PCDH15: variants seen among roughly 807,000 people sequenced by gnomAD.
PCDH15 encodes protocadherin related 15, also known as protocadherin-15.
PCDH15 carries 129 observed loss-of-function variants against 178.5 expected under a neutral mutation model. The ratio of observed to expected loss-of-function variants is 0.72; its 90% confidence interval spans 0.63 to 0.84. The LOEUF is 0.84. Ranked by LOEUF, PCDH15 falls within the 40% of genes least tolerant of loss-of-function variation. The pLI is 0.00. For missense variants in PCDH15, 2,230 were observed against 2,099.9 expected (o/e 1.06, Z -1.21); for synonymous variants, 800 against 732.0 (o/e 1.09, Z -1.50).
chr10:54,868,124 G>C (rs1953970847), intron 3 of PCDH15, among the ~76,000 whole-genome samples: 2 of 151,994 alleles, frequency 1.3e-5, no homozygotes, highest in Non-Finnish European at 2.9e-5. Flanking sequence ...AAAGCTGAGG[G>C]GGAAACGGTT....
intron 1 of PCDH15, among the ~76,000 whole-genome samples, chr10:55,231,806 A>G (rs1465451219): frequency 6.6e-6 from 1 of 152,056 alleles, no homozygotes; most frequent in African/African-American, 2.4e-5. Flanking sequence ...AAATAAATAA[A>G]TCTTAAATTA....
intron 2 of PCDH15, among the ~76,000 whole-genome samples, chr10:54,938,915 A>G (rs1034800314): frequency 6.6e-6 from 1 of 152,192 alleles, no homozygotes; most frequent in African/African-American, 2.4e-5. Flanking sequence ...GATTGTGGCT[A>G]GCATCTAGAT....
In PCDH15 at chr10:54,632,781, C is replaced by T. The variant is rs185659983; in HGVS notation, c.91+31391G>A. Among the ~76,000 whole-genome samples, 239 of 152,126 alleles carry T rather than the reference C, an allele frequency of 1.6e-3. 1 individual carries two copies. The highest frequency in any genetic ancestry group is 5.4e-3 in the African/African-American group (224 of 41,506). ...ACACACAGATCTATTAATCACTCATCTAAAATTCTCAAACGCTAAGATATT... is the reference window on the plus strand; with the variant it reads ...ACACACAGATCTATTAATCACTCATTTAAAATTCTCAAACGCTAAGATATT... On this transcript the variant is annotated intron_variant, in intron 2 of 37. Transcript: ENST00000644397.
chr10:55,297,249 T>A (rs923651130), intron 1 of PCDH15, among the ~76,000 whole-genome samples: 4 of 152,028 alleles, frequency 2.6e-5, no homozygotes, highest in Non-Finnish European at 4.4e-5. Flanking sequence ...TGATTGCAAA[T>A]TTATATAGGG....
chr10:55,075,819 T>C (rs1841873929), intron 2 of PCDH15, among the ~76,000 whole-genome samples: 1 of 152,138 alleles, frequency 6.6e-6, no homozygotes, highest in South Asian at 2.1e-4. Flanking sequence ...TTTCTTGAGT[T>C]GCATGATTAG....
chr10:53,876,636 A>C (rs1391122163), intron 26 of PCDH15, among the ~76,000 whole-genome samples: 2 of 148,200 alleles, frequency 1.3e-5, no homozygotes, highest in Non-Finnish European at 3.0e-5. Flanking sequence ...AAAAAAAAAA[A>C]GAAGAAACAA....
chr10:55,539,173 C>G (rs1460182357), intron 2 of PCDH15, among the ~76,000 whole-genome samples: 2 of 151,834 alleles, frequency 1.3e-5, no homozygotes, highest in Admixed American at 6.6e-5. Flanking sequence ...CCCTCAAACA[C>G]TAACTCATAA....
intron 1 of PCDH15, among the ~76,000 whole-genome samples, chr10:54,712,208 T>C (rs1485540691): frequency 6.6e-6 from 1 of 151,758 alleles, no homozygotes; most frequent in Non-Finnish European, 1.5e-5. Context: ...ACAAAGAAAA[T>C]CTATTGTCAG....
intron 3 of PCDH15, among the ~76,000 whole-genome samples, chr10:54,403,535 G>A (rs185302715): frequency 6.6e-6 from 1 of 151,868 alleles, no homozygotes; most frequent in African/African-American, 2.4e-5. Context: ...ACCGGCACAG[G>A]ACAAAGATAC....
chr10:54,879,793 C>A (rs1484557131), intron 3 of PCDH15, among the ~76,000 whole-genome samples: 5 of 151,680 alleles, frequency 3.3e-5, no homozygotes, highest in Admixed American at 1.3e-4. Flanking sequence ...AATCCATTAA[C>A]AAATATTAAC....
chr10:54,866,234 T>C (rs1275474454), intron 3 of PCDH15, among the ~76,000 whole-genome samples: 1 of 152,200 alleles, frequency 6.6e-6, no homozygotes, highest in Admixed American at 6.5e-5. Flanking sequence ...AGGTATTGCT[T>C]TTTTTCATCC....
At chr10:54,776,625 T>A (rs568401486) in intron 1 of PCDH15, among the ~76,000 whole-genome samples, 1 of 152,284 alleles carries the variant, frequency 6.6e-6, no homozygotes, top group East Asian at 1.9e-4. Context: ...TAAGATACCA[T>A]GGAAAGCTTG....
chr10:53,892,429 T>A (rs151258152), intron 26 of PCDH15, among the ~76,000 whole-genome samples: 2,049 of 152,304 alleles, frequency 0.013, 45 homozygotes, highest in African/African-American at 0.047. Flanking sequence ...AAGCAATTTT[T>A]AATTAAATTA....
intron 2 of PCDH15, among the ~76,000 whole-genome samples, chr10:55,472,639 G>A (rs1264749840): frequency 6.6e-6 from 1 of 152,114 alleles, no homozygotes; most frequent in Non-Finnish European, 1.5e-5. Context: ...CGCGGTCTGC[G>A]CTAACTGCAA....
chr10:54,801,694 A>AAAAACAAAAC (rs16914937), upstream of PCDH15, among the ~76,000 whole-genome samples: 2 of 152,130 alleles, frequency 1.3e-5, no homozygotes, highest in African/African-American at 4.8e-5. Flanking sequence ...TTTGGGGCAT[A>AAAAACAAAAC]AAAACAAAAC....
chr10:54,996,700 C>A (rs1454504122), intron 2 of PCDH15, among the ~76,000 whole-genome samples: 1 of 152,082 alleles, frequency 6.6e-6, no homozygotes, highest in Admixed American at 6.5e-5. Flanking sequence ...GTTTTGTGAA[C>A]CTAGGCTTTT....
chr10:55,027,038 G>GAGC (rs1365659274), intron 2 of PCDH15, among the ~76,000 whole-genome samples: 1 of 151,924 alleles, frequency 6.6e-6, no homozygotes, highest in African/African-American at 2.4e-5. Context: ...AGAAAGATGG[G>GAGC]ATAGGAGTAT....
chr10:55,604,986 G>C (rs1180533592), intron 2 of PCDH15, among the ~76,000 whole-genome samples: 1 of 152,082 alleles, frequency 6.6e-6, no homozygotes, highest in Non-Finnish European at 1.5e-5. Flanking sequence ...CAACAAAATA[G>C]ATAGACCACT....
intron 1 of PCDH15, among the ~76,000 whole-genome samples, chr10:54,768,555 G>A (rs1488624582): frequency 6.6e-6 from 1 of 152,048 alleles, no homozygotes; most frequent in East Asian, 1.9e-4. Flanking sequence ...AAATACTTAA[G>A]AAGTAAGCGA....
Sources: gnomAD v4.1 joint callset for allele counts (sites outside exome capture counted in the v4.1 genomes callset) on GRCh38, gnomAD v4.1.1 for gene constraint, MANE v1.5 for transcripts, NCBI Gene and HGNC (gene_info 2026-07-23, HGNC 2026-07-21) for gene names.